Variants in TRAF5 observed in about 807,000 individuals in gnomAD.
TRAF5 encodes TNF receptor associated factor 5.
Under a neutral mutation model 64.5 loss-of-function variants are expected in TRAF5, and 48 were observed. The observed-to-expected ratio is 0.74, with a 90% CI of 0.59 to 0.95. The LOEUF (loss-of-function observed/expected upper bound fraction) is 0.95, where lower values mean the gene tolerates loss of function less well. TRAF5 is among the 40% of genes least tolerant of loss of function. The pLI is 0.00. For missense variants in TRAF5, 545 were observed against 662.8 expected, an observed-to-expected ratio of 0.82 and a Z score of 1.95; for synonymous variants, 206 against 240.5, an observed-to-expected ratio of 0.86 and a Z score of 1.33.
intron 9 of TRAF5, among the ~76,000 whole-genome samples, chr1:211,370,382 C>G (rs1313298748): frequency 1.6e-5 from 1 of 62,502 alleles, no homozygotes; most frequent in Non-Finnish European, 3.7e-5. Context: ...ACATTAAACA[C>G]ACACACACAC....
chr1:211,338,667 C>T (rs941983232), intron 1 of TRAF5, among the ~76,000 whole-genome samples: 1 of 152,090 alleles, frequency 6.6e-6, no homozygotes, highest in Admixed American at 6.6e-5. Context: ...CTCTGTTGTC[C>T]AGGCTGGAGT....
intron 1 of TRAF5, among the ~76,000 whole-genome samples, chr1:211,335,656 G>A (rs376954927): frequency 5.3e-5 from 8 of 152,294 alleles, no homozygotes; most frequent in African/African-American, 1.7e-4. Context: ...CATATGTGAG[G>A]CTTCATCTGG....
chr1:211,360,833 T>C, intron 6 of TRAF5, 54 bp downstream of exon 6: 1 of 1,516,590 alleles, frequency 6.6e-7, no homozygotes, highest in Non-Finnish European at 9.1e-7. Context: ...GTTTTAGTAA[T>C]CATTGTGGTC....
At chr1:211,366,010 T>G (rs555354970) in intron 8 of TRAF5, among the ~76,000 whole-genome samples, 5 of 152,356 alleles carry the variant, frequency 3.3e-5, no homozygotes, top group African/African-American at 1.2e-4. Flanking sequence ...CACTGAGTTG[T>G]GATTATCAAG....
intron 4 of TRAF5, chr1:211,358,973 T>TATAA (rs1178499717): frequency 6.6e-6 from 1 of 151,712 alleles, no homozygotes; most frequent in African/African-American, 2.4e-5. Context: ...TTAAATAACT[T>TATAA]ATTATTTGTG....
At chr1:211,340,357 T>C (rs955461860) in intron 1 of TRAF5, among the ~76,000 whole-genome samples, 2 of 152,234 alleles carry the variant, frequency 1.3e-5, no homozygotes, top group African/African-American at 4.8e-5. Flanking sequence ...CAATCCCGGC[T>C]CACTGCAACT....
intron 6 of TRAF5, 96 bp downstream of exon 6, chr1:211,360,875 C>G: frequency 8.3e-7 from 1 of 1,212,080 alleles, no homozygotes; most frequent in East Asian, 2.4e-5. Context: ...GATAAGGGCC[C>G]AGGGCTTAAA....
chr1:211,367,172 C>T (rs1472803916), intron 8 of TRAF5, among the ~76,000 whole-genome samples: 1 of 152,112 alleles, frequency 6.6e-6, no homozygotes, highest in Non-Finnish European at 1.5e-5. Context: ...TTTGTAGAGA[C>T]AGGGTTTTGC....
At chr1:211,365,347 C>T (rs765128166) in intron 7 of TRAF5, 29 bp from the exon 8 acceptor site, 7 of 1,595,542 alleles carry the variant, frequency 4.4e-6, no homozygotes, top group Non-Finnish European at 5.1e-6. Context: ...CTCTCAGCAA[C>T]CTGACTTATT....
At position 211,360,702 on chromosome 1, in the gene TRAF5, A is replaced by G; in HGVS notation, c.544A>G (p.Asn182Asp). 6.2e-7 allele frequency: 1 copy of G among 1,613,078 alleles called. No homozygotes were observed. The highest frequency in any genetic ancestry group is 2.2e-5 in the East Asian group (1 of 44,868). Residue 182 changes from asparagine (N) to aspartate (D), a missense_variant and splice_region_variant, in exon 6 of 11, where the codon AAT becomes GAT. Coordinates refer to ENST00000261464, the MANE Select transcript of TRAF5 (RefSeq NM_001033910.3). ...TTTTATTGCACTTTCTCTATTTCAG[A>G]ATCATGAGGAAAACTTGTGTCCTGA... ...KKDVVVINLQ[N>D]HEENLCPEYP...
intron 9 of TRAF5, among the ~76,000 whole-genome samples, chr1:211,370,726 A>G (rs1572095871): frequency 6.6e-6 from 1 of 152,326 alleles, no homozygotes; most frequent in East Asian, 1.9e-4. Context: ...AAATACTGAA[A>G]GTGAAAAACA....
intron 1 of TRAF5, among the ~76,000 whole-genome samples, chr1:211,337,883 G>A (rs1702345524): frequency 1.3e-5 from 2 of 152,322 alleles, no homozygotes; most frequent in South Asian, 4.1e-4. Flanking sequence ...AGTTTGTGAT[G>A]CCTATTAAAT....
chr1:211,360,064 C>T lies in TRAF5; in HGVS notation c.531C>T (p.Val177=), dbSNP rs1703126279. 2 of 1,614,046 alleles carry T rather than the reference C, an allele frequency of 1.2e-6. No homozygotes were observed. The highest frequency in any genetic ancestry group is 1.7e-6 in the Non-Finnish European group (2 of 1,179,962). The part of the protein sequence containing the change: ...KCLYCKKDVV[V]INLQNHEENL... ...TTTATTGCAAAAAGGATGTGGTAGT[C>T]ATCAATCTACAGGTGAAAAACAACA... Residue 177 remains valine (V), a synonymous_variant, in exon 5 of 11, where the codon GTC becomes GTT. Coordinates refer to ENST00000261464, the MANE Select transcript of TRAF5 (RefSeq NM_001033910.3).
At chr1:211,354,560 G>A (rs1360906979) in intron 3 of TRAF5, 93 bp downstream of exon 3, 17 of 1,287,646 alleles carry the variant, frequency 1.3e-5, no homozygotes, top group East Asian at 4.8e-5. Context: ...GAGAGTGGTC[G>A]AGGGAGACCT....
At chr1:211,351,031 C>T (rs368517033) in intron 1 of TRAF5, among the ~76,000 whole-genome samples, 5 of 116,032 alleles carry the variant, frequency 4.3e-5, no homozygotes, top group African/African-American at 6.7e-5. Flanking sequence ...CTGGCCTCTT[C>T]TTTTTTTTTT....
At chr1:211,339,500 G>A (rs1408373392) in intron 1 of TRAF5, among the ~76,000 whole-genome samples, 4 of 152,162 alleles carry the variant, frequency 2.6e-5, no homozygotes, top group African/African-American at 9.7e-5. Flanking sequence ...TTGGGTAGCT[G>A]ATCCCTTAAG....
rs756959114 is a variant in TRAF5 at position 211,353,304 on chromosome 1, C to CCATTTCCTTGGACTTTGAG, written c.67_85dup (p.Pro29HisfsTer6). The CCATTTCCTTGGACTTTGAG allele has an allele frequency of 2.5e-6, 4 of 1,614,242 alleles. No homozygotes were observed. Among genetic ancestry groups the CCATTTCCTTGGACTTTGAG allele is most frequent in the Admixed American group, 3.3e-5 (2 of 60,026 alleles). ...TTCATCCGCCAGAATTCCGGCAACTCCATTTCCTTGGACTTTGAGCCCAGT... is the reference window on the plus strand; with the variant it reads ...TTCATCCGCCAGAATTCCGGCAACTCCATTTCCTTGGACTTTGAGCATTTCCTTGGACTTTGAGCCCAGT... On this transcript the variant is annotated frameshift_variant, in exon 2 of 11. Transcript: ENST00000261464. LOFTEE classifies it high-confidence loss of function.
chr1:211,337,012 G>A (rs763256773), intron 1 of TRAF5, among the ~76,000 whole-genome samples: 26 of 152,200 alleles, frequency 1.7e-4, no homozygotes, highest in African/African-American at 3.4e-4. Flanking sequence ...GATTAAAGGC[G>A]TGAGCCGCTG....
chr1:211,334,782 G>T (rs2102712857), intron 1 of TRAF5, among the ~76,000 whole-genome samples: 1 of 152,320 alleles, frequency 6.6e-6, no homozygotes, highest in South Asian at 2.1e-4. Context: ...CACCAGCCAG[G>T]GGCCATCCTT....
Sources: gnomAD v4.1 joint callset for allele counts (sites outside exome capture counted in the v4.1 genomes callset) on GRCh38, gnomAD v4.1.1 for gene constraint, MANE v1.5 for transcripts, NCBI Gene and HGNC (gene_info 2026-07-23, HGNC 2026-07-21) for gene names.